Variants in PACS1 observed in about 807,000 individuals in gnomAD.
PACS1 encodes the protein phosphofurin acidic cluster sorting protein 1.
In PACS1, 24 loss-of-function variants were observed where a neutral mutation model predicts 115.0. The ratio of observed to expected loss-of-function variants is 0.21; its 90% CI spans 0.15 to 0.29. The LOEUF (loss-of-function observed/expected upper bound fraction) is 0.29, where lower values mean the gene tolerates loss of function less well. PACS1 is among the 10% of genes least tolerant of loss of function. PACS1 has a pLI of 1.00. For missense variants in PACS1, 838 were observed against 1,251.2 expected, an observed-to-expected ratio of 0.67 and a Z score of 4.98; for synonymous variants, 453 against 504.5, an observed-to-expected ratio of 0.90 and a Z score of 1.37.
intron 7 of PACS1, 135 bp from the exon 8 acceptor site, chr11:66,219,611 G>C (rs1430938853): frequency 1.3e-6 from 1 of 763,778 alleles, no homozygotes; most frequent in Non-Finnish European, 2.4e-6. Flanking sequence ...TGAGTGCCAA[G>C]GGCAGAGACC....
intron 1 of PACS1, among the ~76,000 whole-genome samples, chr11:66,114,995 A>G (rs1224121752): frequency 6.6e-6 from 1 of 151,950 alleles, no homozygotes; most frequent in Admixed American, 6.6e-5. Flanking sequence ...ATTTGCACCC[A>G]GGAGTCAGAG....
At chr11:66,177,943 A>G (rs1384707131) in intron 1 of PACS1, among the ~76,000 whole-genome samples, 1 of 152,054 alleles carries the variant, frequency 6.6e-6, no homozygotes, top group African/African-American at 2.4e-5. Flanking sequence ...TCCATAATGG[A>G]TGCTTAAGAA....
chr11:66,095,158 A>G (rs1176994683), intron 1 of PACS1, among the ~76,000 whole-genome samples: 4 of 151,058 alleles, frequency 2.6e-5, no homozygotes, highest in Non-Finnish European at 5.9e-5. Flanking sequence ...GCCCTCTCTC[A>G]CCACTCCTAT....
chr11:66,144,716 C>T (rs1043730154), intron 1 of PACS1, among the ~76,000 whole-genome samples: 2 of 152,224 alleles, frequency 1.3e-5, no homozygotes, highest in Non-Finnish European at 2.9e-5. Context: ...TCGCTGCAAC[C>T]TCTGCCTCCC....
intron 17 of PACS1, among the ~76,000 whole-genome samples, chr11:66,234,511 G>A (rs568982273): frequency 1.2e-4 from 19 of 152,344 alleles, no homozygotes; most frequent in South Asian, 4.1e-4. Flanking sequence ...TGGCCAGGGC[G>A]TCTCTAGTTG....
chr11:66,123,425 A>G (rs1375664665), intron 1 of PACS1, among the ~76,000 whole-genome samples: 2 of 152,028 alleles, frequency 1.3e-5, no homozygotes, highest in Non-Finnish European at 2.9e-5. Context: ...CTCCTGACCT[A>G]AGGTGATCCA....
At position 66,235,393 on chromosome 11, in the gene PACS1, C is replaced by T. The variant is rs552759820; in HGVS notation, c.2197C>T (p.Arg733Trp). The T allele has an allele frequency of 6.8e-6, 11 of 1,612,624 alleles. No individual in the cohort carries two copies. The highest frequency in any genetic ancestry group is 1.3e-5 in the African/African-American group (1 of 74,968). The change falls in exon 18 of 24, where the codon CGG becomes TGG. Residue 733 changes from arginine (R) to tryptophan (W), a missense_variant. Transcript: ENST00000320580. The surrounding 1 kb of genome is among the most constrained non-coding windows in gnomAD (Gnocchi z 5.6). ...LPVAEAMLTC[R>W]HKFPDEDSYQ... The stretch of plus-strand genomic sequence containing the variant: ...CGTGGCCGAAGCCATGCTGACTTGC[C>T]GGCATAAGTTGTAAGTTTGACTTTG...
chr11:66,105,530 A>G (rs1234038422), intron 1 of PACS1, among the ~76,000 whole-genome samples: 2 of 152,232 alleles, frequency 1.3e-5, no homozygotes. Flanking sequence ...ATGAATGAAT[A>G]TGGACAAAGA....
At position 66,243,313 on chromosome 11, in the gene PACS1, A is replaced by G. The variant is rs1352274806; in HGVS notation, c.*33A>G. On this transcript the variant is annotated 3_prime_UTR_variant, in exon 24 of 24. Transcript: ENST00000320580. Reference sequence around the variant, plus strand: ...TCTCCCAGCCACTTTCCCTCCTGGCACTGCCACCAGCCTCACCGCCTGCGG... The same window carrying G: ...TCTCCCAGCCACTTTCCCTCCTGGCGCTGCCACCAGCCTCACCGCCTGCGG... The G allele has an allele frequency of 9.0e-6, 13 of 1,439,784 alleles. No individual in the cohort carries two copies. Among genetic ancestry groups the G allele is most frequent in the Non-Finnish European group, 1.2e-5 (13 of 1,047,608 alleles). The allele number at this position is 1,439,784 out of a possible 1,614,324, so 89.2% of individuals were successfully genotyped here. A position where few individuals can be genotyped will look rare whatever the true frequency, so the allele number is the denominator to read the frequency against.
At chr11:66,189,511 A>G (rs991609746) in intron 1 of PACS1, among the ~76,000 whole-genome samples, 11 of 152,260 alleles carry the variant, frequency 7.2e-5, no homozygotes, top group Admixed American at 2.6e-4. Context: ...GGGGCATAAT[A>G]GAGCAGCAGC....
chr11:66,239,312 C>T (rs1855765542), intron 21 of PACS1, 35 bp downstream of exon 21: 1 of 1,586,732 alleles, frequency 6.3e-7, no homozygotes, highest in East Asian at 2.3e-5. Context: ...CTGCCATGCC[C>T]TCCATCAGGC....
intron 1 of PACS1, among the ~76,000 whole-genome samples, chr11:66,108,343 C>A (rs1003826690): frequency 5.9e-5 from 9 of 152,064 alleles, no homozygotes; most frequent in Non-Finnish European, 5.9e-5. Context: ...CAGATTAGGG[C>A]CCCACCCTTC....
intron 1 of PACS1, among the ~76,000 whole-genome samples, chr11:66,076,577 G>C (rs1164664570): frequency 6.6e-6 from 1 of 152,184 alleles, no homozygotes; most frequent in African/African-American, 2.4e-5. Flanking sequence ...ATTTTTAGTA[G>C]AGACGGGGTT....
At chr11:66,135,659 CTT>C (rs35040826) in intron 1 of PACS1, among the ~76,000 whole-genome samples, 11 of 138,302 alleles carry the variant, frequency 8.0e-5, no homozygotes, top group Admixed American at 2.9e-4. Context: ...CTCTCCTGCG[CTT>C]TTTTTTTTTT....
chr11:66,136,323 T>TCACACACACACACACA lies in PACS1; in HGVS notation c.357-57147_357-57132dup, dbSNP rs61577143. Among the ~76,000 whole-genome samples the TCACACACACACACACA allele has an allele frequency of 8.6e-3, 1,251 of 145,856 alleles. 3 individuals carry two copies. The highest frequency in any genetic ancestry group is 0.016 in the East Asian group (78 of 4,984). ...GAAACAGGACTGCCCAATCCCACTG[T>TCACACACACACACACA]CACACACACACACACACACACACAC... On this transcript the variant is annotated intron_variant, in intron 1 of 23. Coordinates refer to ENST00000320580, the MANE Select transcript of PACS1 (RefSeq NM_018026.4).
At chr11:66,128,367 C>A (rs1024900169) in intron 1 of PACS1, among the ~76,000 whole-genome samples, 2 of 152,008 alleles carry the variant, frequency 1.3e-5, no homozygotes, top group Non-Finnish European at 2.9e-5. Flanking sequence ...AAAAGAATAT[C>A]CTTTAAAGAG....
At chr11:66,077,802 A>G (rs927285976) in intron 1 of PACS1, among the ~76,000 whole-genome samples, 1 of 149,400 alleles carries the variant, frequency 6.7e-6, no homozygotes, top group Non-Finnish European at 1.5e-5. Context: ...TCCGAGGTTC[A>G]AGCAATTCTC....
rs141440536 is a variant in PACS1 at position 66,236,491 on chromosome 11, T to C, written c.2250+551T>C. On this transcript the variant is annotated intron_variant, in intron 19 of 23. Transcript: ENST00000320580. The surrounding 1 kb of genome is among the most constrained non-coding windows in gnomAD (Gnocchi z 4.2). Reference sequence around the variant, plus strand: ...GCCACTGAGAGGAAGGCTTTCTTCTTTCCTTTTCTATTTAACCAAGGAGAA... The same window carrying C: ...GCCACTGAGAGGAAGGCTTTCTTCTCTCCTTTTCTATTTAACCAAGGAGAA... Among the ~76,000 whole-genome samples, 18 of 152,352 alleles carry C rather than the reference T, an allele frequency of 1.2e-4. No individual in the cohort carries two copies. Among genetic ancestry groups the C allele is most frequent in the African/African-American group, 4.1e-4 (17 of 41,586 alleles).
intron 7 of PACS1, among the ~76,000 whole-genome samples, chr11:66,219,038 A>T (rs565079625): frequency 6.6e-6 from 1 of 152,194 alleles, no homozygotes; most frequent in African/African-American, 2.4e-5. Flanking sequence ...CAAGTAGTGG[A>T]GGCCAATGAA....
Sources: allele counts gnomAD v4.1 joint callset (sites outside exome capture counted in the v4.1 genomes callset), GRCh38; gene constraint gnomAD v4.1.1; non-coding constraint Gnocchi (gnomAD v3.1); transcripts MANE v1.5; gene names NCBI Gene and HGNC (gene_info 2026-07-23, HGNC 2026-07-21).